Variants in NRG1 observed in about 807,000 individuals in gnomAD.
NRG1 encodes the protein pro-neuregulin-1, membrane-bound isoform.
Under a neutral mutation model 63.8 loss-of-function variants are expected in NRG1, and 18 were observed. The ratio of observed to expected loss-of-function variants is 0.28; its 90% CI spans 0.19 to 0.42. The LOEUF (loss-of-function observed/expected upper bound fraction) is 0.42. Ranked by LOEUF, NRG1 falls within the 10% of genes least tolerant of loss-of-function variation. The probability of loss-of-function intolerance (pLI) is 1.00; values close to 1 mark genes in which losing one functional copy is unlikely to be tolerated. For missense variants in NRG1, 762 were observed against 814.7 expected (o/e 0.94, Z 0.79); for synonymous variants, 302 against 301.3 (o/e 1.00, Z -0.02).
intron 1 of NRG1, among the ~76,000 whole-genome samples, chr8:31,994,918 C>A (rs1409982769): frequency 2.6e-5 from 4 of 151,856 alleles, no homozygotes; most frequent in African/African-American, 9.7e-5. Context: ...TTACCTCTAG[C>A]TTTTAAAAAT....
intron 1 of NRG1, among the ~76,000 whole-genome samples, chr8:32,505,880 T>C (rs1006712029): frequency 6.6e-6 from 1 of 152,202 alleles, no homozygotes; most frequent in Non-Finnish European, 1.5e-5. Context: ...ATTTTGCTAG[T>C]GTTTTTTAGG....
At chr8:32,503,156 G>A (rs1246093918) in intron 1 of NRG1, among the ~76,000 whole-genome samples, 6 of 151,310 alleles carry the variant, frequency 4.0e-5, no homozygotes, top group Non-Finnish European at 7.4e-5. Flanking sequence ...GCATGGTGGC[G>A]GGCGCCTGTA....
At chr8:32,535,202 T>C (rs1177878944) in intron 1 of NRG1, among the ~76,000 whole-genome samples, 1 of 152,242 alleles carries the variant, frequency 6.6e-6, no homozygotes, top group African/African-American at 2.4e-5. Flanking sequence ...TAAAAACTTA[T>C]GTCCTAGAAC....
intron 5 of NRG1, among the ~76,000 whole-genome samples, chr8:32,627,026 ATAAAAAT>A: frequency 6.9e-6 from 1 of 143,892 alleles, no homozygotes. Context: ...TCTCAAAAAA[ATAAAAAT>A]AAAAAAGGAA....
At chr8:31,860,217 A>G (rs1325623664) in intron 1 of NRG1, among the ~76,000 whole-genome samples, 1 of 152,216 alleles carries the variant, frequency 6.6e-6, no homozygotes, top group Non-Finnish European at 1.5e-5. Flanking sequence ...TACTATTATG[A>G]TTAATCTATT....
intron 1 of NRG1, chr8:31,639,992 G>A (rs1803575924): frequency 8.0e-6 from 9 of 1,124,370 alleles, no homozygotes; most frequent in Non-Finnish European, 9.8e-6. Flanking sequence ...ACCATGAGAT[G>A]GCGACGCGCC....
chr8:32,264,438 C>T (rs1031351771), intron 1 of NRG1, among the ~76,000 whole-genome samples: 2 of 151,944 alleles, frequency 1.3e-5, no homozygotes, highest in African/African-American at 4.8e-5. Context: ...TAGAGGGAGG[C>T]CTAAATGTAA....
rs144447727 is a variant in NRG1 at position 31,959,703 on chromosome 8, AT to A, written c.37+320280del. Among the ~76,000 whole-genome samples, 583 of 151,856 alleles carry A rather than the reference AT, an allele frequency of 3.8e-3. 3 individuals carry two copies. Among genetic ancestry groups the A allele is most frequent in the African/African-American group, 0.013 (521 of 41,454 alleles). Reference sequence around the variant, plus strand: ...GCATAGCCTGCTGGCCCCAAATGACATTTTTTTTAATATTTACAAATTATTA... The same window carrying A: ...GCATAGCCTGCTGGCCCCAAATGACATTTTTTTAATATTTACAAATTATTA... On this transcript the variant is annotated intron_variant, in intron 1 of 10. Coordinates refer to the NRG1 transcript ENST00000519301.
intron 1 of NRG1, among the ~76,000 whole-genome samples, chr8:32,425,313 A>G (rs952846707): frequency 1.3e-5 from 2 of 152,192 alleles, no homozygotes; most frequent in East Asian, 1.9e-4. Context: ...GTAGAGTCCT[A>G]TTTAGAAAGC....
intron 1 of NRG1, among the ~76,000 whole-genome samples, chr8:31,971,723 A>C (rs796241047): frequency 1.1e-4 from 16 of 152,240 alleles, no homozygotes; most frequent in African/African-American, 2.4e-4. Flanking sequence ...TTAAAAAAAA[A>C]CAAAAACCTT....
At chr8:31,904,524 A>T (rs896080991) in intron 1 of NRG1, among the ~76,000 whole-genome samples, 2 of 152,222 alleles carry the variant, frequency 1.3e-5, no homozygotes, top group African/African-American at 4.8e-5. Context: ...TCCTATTATT[A>T]GGTATATACC....
chr8:32,090,970 T>C (rs1287651416), intron 1 of NRG1, among the ~76,000 whole-genome samples: 1 of 152,170 alleles, frequency 6.6e-6, no homozygotes, highest in Non-Finnish European at 1.5e-5. Context: ...TTCACTTCCA[T>C]TTCCTCTTTT....
chr8:32,174,390 T>C (rs1461095077), intron 1 of NRG1, among the ~76,000 whole-genome samples: 6 of 151,770 alleles, frequency 4.0e-5, no homozygotes, highest in Admixed American at 3.3e-4. Flanking sequence ...AGGAAAGATC[T>C]AAAATGGACA....
At chr8:32,092,815 G>A (rs1404624268) in intron 1 of NRG1, among the ~76,000 whole-genome samples, 1 of 152,140 alleles carries the variant, frequency 6.6e-6, no homozygotes, top group African/African-American at 2.4e-5. Flanking sequence ...ACCATGCATT[G>A]CAACGACAAA....
chr8:31,840,860 G>C (rs1013096463), intron 1 of NRG1, among the ~76,000 whole-genome samples: 3 of 152,134 alleles, frequency 2.0e-5, no homozygotes, highest in African/African-American at 4.8e-5. Context: ...GAGTCATTAG[G>C]GGCATGCTTT....
intron 1 of NRG1, among the ~76,000 whole-genome samples, chr8:32,229,621 G>A (rs543052163): frequency 7.2e-5 from 11 of 152,206 alleles, no homozygotes; most frequent in African/African-American, 2.6e-4. Flanking sequence ...TTAAAGCACC[G>A]TCTGCCCTTG....
At chr8:32,600,623 A>C (rs988041227) in intron 2 of NRG1, among the ~76,000 whole-genome samples, 2 of 152,106 alleles carry the variant, frequency 1.3e-5, no homozygotes, top group Non-Finnish European at 2.9e-5. Flanking sequence ...ACTTCACATT[A>C]ATTTATTTTT....
intron 5 of NRG1, among the ~76,000 whole-genome samples, chr8:32,663,024 A>G (rs1453936507): frequency 6.6e-6 from 1 of 152,224 alleles, no homozygotes; most frequent in Non-Finnish European, 1.5e-5. Flanking sequence ...ATGTCTGCCT[A>G]GACTACTCGG....
intron 1 of NRG1, among the ~76,000 whole-genome samples, chr8:32,470,974 A>T (rs145714433): frequency 3.9e-5 from 6 of 152,224 alleles, no homozygotes; most frequent in African/African-American, 1.2e-4. Context: ...ATTTCTAAAA[A>T]ATATATATTT....
Sources: allele counts gnomAD v4.1 joint callset (sites outside exome capture counted in the v4.1 genomes callset), GRCh38; gene constraint gnomAD v4.1.1; transcripts MANE v1.5; gene names NCBI Gene and HGNC (gene_info 2026-07-23, HGNC 2026-07-21).